FOXN3: variants seen among roughly 807,000 people sequenced by gnomAD.
FOXN3 encodes forkhead box N3, also known as forkhead box protein N3.
Under a neutral mutation model 38.4 loss-of-function variants are expected in FOXN3, and 7 were observed. The ratio of observed to expected loss-of-function variants is 0.18; its 90% CI spans 0.10 to 0.34. The LOEUF (loss-of-function observed/expected upper bound fraction) is 0.34. Ranked by LOEUF, FOXN3 falls within the 10% of genes least tolerant of loss-of-function variation. The pLI is 1.00. For synonymous variants in FOXN3, 230 were observed against 242.2 expected (o/e 0.95, Z 0.47); for missense variants, 456 against 613.4 (o/e 0.74, Z 2.71).
chr14:89,425,009 T>C (rs1891991786), intron 1 of FOXN3, among the ~76,000 whole-genome samples: 1 of 151,948 alleles, frequency 6.6e-6, no homozygotes, highest in Non-Finnish European at 1.5e-5. Flanking sequence ...GTTCTTGAAC[T>C]CATTTTATGT....
chr14:89,348,351 T>G (rs202102927), intron 3 of FOXN3, among the ~76,000 whole-genome samples: 3 of 152,264 alleles, frequency 2.0e-5, no homozygotes, highest in East Asian at 3.9e-4. Context: ...CTCTAGGTCA[T>G]GTCAACAAGT....
intron 2 of FOXN3, among the ~76,000 whole-genome samples, chr14:89,359,403 C>T (rs886079635): frequency 2.0e-5 from 3 of 152,064 alleles, no homozygotes; most frequent in Non-Finnish European, 4.4e-5. Flanking sequence ...TCAGTGCCTG[C>T]CTGATGGAAT....
At chr14:89,465,108 T>C (rs1479915535) in intron 1 of FOXN3, among the ~76,000 whole-genome samples, 2 of 152,220 alleles carry the variant, frequency 1.3e-5, no homozygotes, top group African/African-American at 4.8e-5. Context: ...GAAGGATGTG[T>C]TTGCTTCCCC....
intron 2 of FOXN3, among the ~76,000 whole-genome samples, chr14:89,377,691 T>C (rs986413635): frequency 1.3e-5 from 2 of 152,236 alleles, no homozygotes; most frequent in East Asian, 1.9e-4. Flanking sequence ...TAAAACCTTA[T>C]TGCAGAGAGA....
At chr14:89,344,730 G>A (rs1207206492) in intron 3 of FOXN3, among the ~76,000 whole-genome samples, 1 of 152,168 alleles carries the variant, frequency 6.6e-6, no homozygotes, top group African/African-American at 2.4e-5. Context: ...TCATTTAACT[G>A]TCAGACATTG....
chr14:89,363,955 T>TATATATATATATATATATATATATA (rs1889997615), intron 2 of FOXN3, among the ~76,000 whole-genome samples: 1 of 5,438 alleles, frequency 1.8e-4, no homozygotes, highest in African/African-American at 2.1e-4. Context: ...AAAATATATA[T>TATATATATATATATATATATATATA]ATATATATAT....
At chr14:89,233,256 A>C (rs891787901) in intron 4 of FOXN3, among the ~76,000 whole-genome samples, 8 of 152,252 alleles carry the variant, frequency 5.3e-5, no homozygotes, top group Non-Finnish European at 1.2e-4. Context: ...GAAAGCTGAA[A>C]TCTAACTGAA....
chr14:89,175,985 C>G (rs1039546832), intron 5 of FOXN3, among the ~76,000 whole-genome samples: 1 of 152,082 alleles, frequency 6.6e-6, no homozygotes, highest in African/African-American at 2.4e-5. Flanking sequence ...GGGTTCCATT[C>G]AATGCAATCT....
At chr14:89,566,439 A>T (rs1474554203) in intron 1 of FOXN3, among the ~76,000 whole-genome samples, 1 of 151,450 alleles carries the variant, frequency 6.6e-6, no homozygotes, top group Admixed American at 6.6e-5. Context: ...GGAAGAAATA[A>T]TTTTTTTAAA....
Position 89,160,075 on chromosome 14 carries a change from T to C in FOXN3, c.*2339A>G, listed in dbSNP as rs1346655676. On this transcript the variant is annotated 3_prime_UTR_variant, in exon 6 of 6. Coordinates refer to ENST00000557258, the MANE Select transcript of FOXN3 (RefSeq NM_005197.4). ...GGCTTTGGCCCACAGCAGTCCCTTT[T>C]TTAAAAGTTAAGGTCATCTCTGTTC... 1.3e-5 allele frequency: 2 copies of C among 152,236 alleles called. No individual in the cohort carries two copies. The highest frequency in any genetic ancestry group is 4.8e-5 in the African/African-American group (2 of 41,434). 9.4% of individuals were successfully genotyped at this position (152,236 alleles called of 1,614,324 possible).
At position 89,574,820 on chromosome 14, in the gene FOXN3, G is replaced by A. The variant is rs17126075; in HGVS notation, c.-15+44208C>T. On this transcript the variant is annotated intron_variant, in intron 1 of 6. Coordinates refer to the FOXN3 transcript ENST00000345097. ...ATCTAGACATGCAAAGACCTCCGAG[G>A]CTCCTCCAATTCTTAAAATCTCTTC... 1.0e-3 allele frequency among the ~76,000 whole-genome samples: 159 copies of A among 152,148 alleles called. No homozygotes were observed. In the East Asian group the frequency reaches 0.029, roughly 28 times the overall value.
intron 1 of FOXN3, among the ~76,000 whole-genome samples, chr14:89,506,083 C>A (rs1893922400): frequency 6.9e-6 from 1 of 144,782 alleles, no homozygotes; most frequent in African/African-American, 2.6e-5. Context: ...GGGGGTCAGC[C>A]CCCCGCCCGG....
rs560447070 is a variant in FOXN3, at chr14:89,229,504, T to C, written c.746-48698A>G. Among the ~76,000 whole-genome samples, 6 of 152,310 alleles carry C rather than the reference T, an allele frequency of 3.9e-5. No homozygotes were observed. In the South Asian group the frequency reaches 1.2e-3, roughly 32 times the overall value. On this transcript the variant is annotated intron_variant, in intron 4 of 5. Coordinates refer to ENST00000557258, the MANE Select transcript of FOXN3 (RefSeq NM_005197.4). Reference sequence around the variant, plus strand: ...TTTGCCAAAAGACAGTTGGGATCCATCTTCACCCAAGTACACACTGTAATG... The same window carrying C: ...TTTGCCAAAAGACAGTTGGGATCCACCTTCACCCAAGTACACACTGTAATG...
rs569621681 is a variant in FOXN3, at chr14:89,352,345, G to A, written c.544-1537C>T. On this transcript the variant is annotated intron_variant, in intron 2 of 5. Coordinates refer to ENST00000557258, the MANE Select transcript of FOXN3 (RefSeq NM_005197.4). ...GTGAGACTTTGCAAGTAAATCAGGC[G>A]GGCCACTCAATAATCTGCCCTGGAA... Among the ~76,000 whole-genome samples the A allele has an allele frequency of 7.9e-5, 12 of 152,298 alleles. No homozygotes were observed. The South Asian group carries it at 1.2e-3, about 16-fold the overall frequency.
At chr14:89,441,164 G>C (rs61999701) in intron 1 of FOXN3, among the ~76,000 whole-genome samples, 55,418 of 151,912 alleles carry the variant, frequency 0.36, 10,766 homozygotes, top group East Asian at 0.57. Flanking sequence ...AGAGGCCTTT[G>C]CACTGTCCCA....
At chr14:89,601,785 T>C (rs1253580256) in intron 1 of FOXN3, among the ~76,000 whole-genome samples, 1 of 152,136 alleles carries the variant, frequency 6.6e-6, no homozygotes, top group Non-Finnish European at 1.5e-5. Context: ...TCTCCCTTGT[T>C]TGTCTACACT....
intron 1 of FOXN3, among the ~76,000 whole-genome samples, chr14:89,528,376 C>CTTTTGTT (rs1894474781): frequency 1.9e-5 from 1 of 53,550 alleles, no homozygotes; most frequent in Non-Finnish European, 3.4e-5. Flanking sequence ...ATGGATGAAT[C>CTTTTGTT]TTTTTTTTTT....
Position 89,497,656 on chromosome 14 carries a change from G to C in FOXN3, c.-14-85166C>G, listed in dbSNP as rs541713317. Among the ~76,000 whole-genome samples the C allele has an allele frequency of 2.0e-5, 3 of 151,724 alleles. No individual in the cohort carries two copies. In the East Asian group the frequency reaches 5.9e-4, roughly 30 times the overall value. ...GACCTCAGGTGATCCGCCTACCTCA[G>C]CCTCCCCAAGTGCTGGGATTACAGG... is the stretch of plus-strand genomic sequence containing the variant. On this transcript the variant is annotated intron_variant, in intron 1 of 6. Transcript: ENST00000345097.
intron 1 of FOXN3, among the ~76,000 whole-genome samples, chr14:89,427,647 A>G (rs969646725): frequency 3.3e-5 from 5 of 151,910 alleles, no homozygotes; most frequent in African/African-American, 1.2e-4. Context: ...AAAAGGCACT[A>G]CTTGCAAAAA....
Sources: gnomAD v4.1 joint callset for allele counts (sites outside exome capture counted in the v4.1 genomes callset) on GRCh38, gnomAD v4.1.1 for gene constraint, MANE v1.5 for transcripts, NCBI Gene and HGNC (gene_info 2026-07-23, HGNC 2026-07-21) for gene names.